Variants in ADCY5 observed in about 807,000 individuals in gnomAD.
ADCY5 encodes the protein adenylate cyclase 5.
In ADCY5, 30 loss-of-function variants were observed where a neutral mutation model predicts 119.7. The observed-to-expected ratio is 0.25, with a 90% confidence interval of 0.19 to 0.34. The LOEUF is 0.34. ADCY5 is among the 10% of genes least tolerant of loss of function. The pLI is 1.00. For missense variants in ADCY5, 1,324 were observed against 1,775.2 expected, an observed-to-expected ratio of 0.75 and a Z score of 4.57; for synonymous variants, 753 against 762.2, an observed-to-expected ratio of 0.99 and a Z score of 0.20.
chr3:123,440,105 C>T (rs1186756321), intron 1 of ADCY5, among the ~76,000 whole-genome samples: 5 of 152,232 alleles, frequency 3.3e-5, no homozygotes, highest in Admixed American at 3.3e-4. Context: ...CAGACGTCCA[C>T]CCACCCCACC....
intron 5 of ADCY5, among the ~76,000 whole-genome samples, chr3:123,330,569 G>C (rs111920465): frequency 6.6e-6 from 1 of 152,174 alleles, no homozygotes; most frequent in Admixed American, 6.5e-5. Context: ...ATGAGGCCCC[G>C]GAAGTGCAAG....
intron 1 of ADCY5, among the ~76,000 whole-genome samples, chr3:123,425,523 G>A (rs1168967018): frequency 6.6e-6 from 1 of 152,212 alleles, no homozygotes; most frequent in Non-Finnish European, 1.5e-5. Context: ...AGTACATCTG[G>A]AAGAAGCAGC....
intron 3 of ADCY5, among the ~76,000 whole-genome samples, chr3:123,341,412 A>G (rs1942273612): frequency 6.6e-6 from 1 of 152,160 alleles, no homozygotes. Flanking sequence ...CACATACATG[A>G]GCTACCTAGA....
chr3:123,286,947 A>G lies in ADCY5; in HGVS notation c.3533-138T>C. ...GCTTCCAGGCCCAAGGCTGTGCTAA[A>G]CCCTGCAGCCTCCCGCTACCCTGCT... On this transcript the variant is annotated intron_variant, in intron 19 of 20. Coordinates refer to ENST00000462833, the MANE Select transcript of ADCY5 (RefSeq NM_183357.3). This position sits in a 1 kb window ranked among gnomAD's most constrained non-coding sequence, Gnocchi z 4.2. 1 of 1,209,336 alleles carries G rather than the reference A, an allele frequency of 8.3e-7. No homozygotes were observed. The highest frequency in any genetic ancestry group is 1.1e-6 in the Non-Finnish European group (1 of 899,544). The allele number at this position is 1,209,336 out of a possible 1,614,324, so 74.9% of individuals were successfully genotyped here.
intron 1 of ADCY5, among the ~76,000 whole-genome samples, chr3:123,392,832 A>C (rs972166659): frequency 8.2e-6 from 1 of 121,502 alleles, no homozygotes; most frequent in African/African-American, 3.1e-5. Flanking sequence ...CCCCTTATTC[A>C]TCCTCCCACA....
intron 13 of ADCY5, among the ~76,000 whole-genome samples, chr3:123,303,636 A>G (rs534337977): frequency 1.3e-5 from 2 of 152,230 alleles, no homozygotes; most frequent in Non-Finnish European, 2.9e-5. Flanking sequence ...CCAGCCTGGC[A>G]ACATGGGGAA....
chr3:123,291,045 T>A (rs1269188789), intron 18 of ADCY5, 68 bp downstream of exon 18: 4 of 1,536,074 alleles, frequency 2.6e-6, no homozygotes, highest in Non-Finnish European at 3.5e-6. Context: ...TCTCTTCACA[T>A]CCCTCCCATA....
intron 1 of ADCY5, among the ~76,000 whole-genome samples, chr3:123,414,787 C>T (rs1213318372): frequency 6.6e-6 from 1 of 152,166 alleles, no homozygotes; most frequent in Non-Finnish European, 1.5e-5. Flanking sequence ...AAACTCTTGA[C>T]CTCAAGTGAT....
chr3:123,334,348 C>T (rs1359403032), intron 3 of ADCY5, among the ~76,000 whole-genome samples: 1 of 152,192 alleles, frequency 6.6e-6, no homozygotes, highest in Non-Finnish European at 1.5e-5. Context: ...CACCTCGGGA[C>T]TCCTAAGGCT....
intron 1 of ADCY5, among the ~76,000 whole-genome samples, chr3:123,371,595 C>T (rs747043104): frequency 2.2e-4 from 33 of 152,342 alleles, no homozygotes; most frequent in Admixed American, 3.9e-4. Flanking sequence ...TCCTGAGCCT[C>T]GGGGCATTGC....
intron 1 of ADCY5, among the ~76,000 whole-genome samples, chr3:123,438,055 G>A (rs921091980): frequency 2.0e-5 from 3 of 152,202 alleles, no homozygotes; most frequent in Admixed American, 2.0e-4. Flanking sequence ...CCAAACAAAT[G>A]CCCCCATCTA....
chr3:123,318,012 A>G lies in ADCY5; in HGVS notation c.2354+8T>C, dbSNP rs1559801194. On this transcript the variant is annotated splice_region_variant and intron_variant, in intron 11 of 20. Coordinates refer to ENST00000462833, the MANE Select transcript of ADCY5 (RefSeq NM_183357.3). Reference sequence around the variant, plus strand: ...AGGAAGGAGCCCAAGAGGGACGGGGATACTCACTGGGGCACGATGGTGATC... The same window carrying G: ...AGGAAGGAGCCCAAGAGGGACGGGGGTACTCACTGGGGCACGATGGTGATC... 1.2e-6 allele frequency: 2 copies of G among 1,611,534 alleles called. No individual in the cohort carries two copies. The highest frequency in any genetic ancestry group is 4.5e-5 in the East Asian group (2 of 44,848).
At position 123,399,068 on chromosome 3, in the gene ADCY5, C is replaced by T. The variant is rs75523354; in HGVS notation, c.1135-46487G>A. Among the ~76,000 whole-genome samples, 1,077 of 152,298 alleles carry T rather than the reference C, an allele frequency of 7.1e-3. 8 individuals carry two copies. Among genetic ancestry groups the T allele is most frequent in the African/African-American group, 0.024 (991 of 41,564 alleles). ...CCATACCCTCCCCAAGCTTCAGCCCCGCACTGGCTTCTCTAAGGGTTCCAA... is the reference window on the plus strand; with the variant it reads ...CCATACCCTCCCCAAGCTTCAGCCCTGCACTGGCTTCTCTAAGGGTTCCAA... On this transcript the variant is annotated intron_variant, in intron 1 of 20. Transcript: ENST00000462833.
chr3:123,315,343 C>T (rs141717149), intron 11 of ADCY5, among the ~76,000 whole-genome samples: 3 of 152,332 alleles, frequency 2.0e-5, no homozygotes, highest in Non-Finnish European at 4.4e-5. Flanking sequence ...AAAGAAAGAT[C>T]TTCAGAGTGG....
At chr3:123,398,440 A>G (rs1432668603) in intron 1 of ADCY5, among the ~76,000 whole-genome samples, 1 of 152,100 alleles carries the variant, frequency 6.6e-6, no homozygotes, top group African/African-American at 2.4e-5. Context: ...TTGCAAGGAC[A>G]GATCTGAATA....
At chr3:123,438,607 C>A (rs1393569782) in intron 1 of ADCY5, among the ~76,000 whole-genome samples, 1 of 152,180 alleles carries the variant, frequency 6.6e-6, no homozygotes, top group Non-Finnish European at 1.5e-5. Flanking sequence ...CCATAGCAGG[C>A]TCAGTTATCA....
intron 20 of ADCY5, among the ~76,000 whole-genome samples, chr3:123,285,159 G>A (rs1938654082): frequency 6.6e-6 from 1 of 151,900 alleles, no homozygotes; most frequent in Non-Finnish European, 1.5e-5. Context: ...CTCCGTGACA[G>A]ATCAGAACGA....
rs778168869 is a variant in ADCY5 at position 123,318,043 on chromosome 3, A to G, written c.2331T>C (p.Phe777=). 1.9e-6 allele frequency: 3 copies of G among 1,613,890 alleles called. No homozygotes were observed. The highest frequency in any genetic ancestry group is 1.7e-6 in the Non-Finnish European group (2 of 1,179,942). The change falls in exon 11 of 21, where the codon TTT becomes TTC. Residue 777 remains phenylalanine, a synonymous_variant. Transcript: ENST00000462833. ...CASLVFLFIC[F]VQITIVPHSI... The stretch of plus-strand genomic sequence containing the variant: ...ACTGGGGCACGATGGTGATCTGGAC[A>G]AAGCAGATGAAGAGGAAGACGAGCG...
intron 1 of ADCY5, among the ~76,000 whole-genome samples, chr3:123,434,163 T>A (rs186078324): frequency 5.9e-5 from 9 of 152,314 alleles, no homozygotes; most frequent in Admixed American, 5.9e-4. Flanking sequence ...AAAAGAGCAC[T>A]GGGTTTGGAG....
Sources: allele counts gnomAD v4.1 joint callset (sites outside exome capture counted in the v4.1 genomes callset), GRCh38; gene constraint gnomAD v4.1.1; non-coding constraint Gnocchi (gnomAD v3.1); transcripts MANE v1.5; gene names NCBI Gene and HGNC (gene_info 2026-07-23, HGNC 2026-07-21).